The following GPR158 variants were observed in gnomAD, a reference collection of about 807,000 sequenced individuals.
GPR158 encodes the protein metabotropic glycine receptor.
A neutral mutation model predicts 78.2 loss-of-function variants in GPR158; 30 were observed. The observed-to-expected ratio is 0.38, with a 90% CI of 0.29 to 0.52. GPR158 has a LOEUF of 0.52. Among genes scored for constraint, GPR158 ranks in the 20% least tolerant of loss-of-function variants. The pLI is 0.83. For synonymous variants in GPR158, 581 were observed against 591.1 expected, an observed-to-expected ratio of 0.98 and a Z score of 0.25; for missense variants, 1,463 against 1,523.5, an observed-to-expected ratio of 0.96 and a Z score of 0.66.
At chr10:25,504,726 C>T (rs566165314) in intron 5 of GPR158, among the ~76,000 whole-genome samples, 3 of 152,242 alleles carry the variant, frequency 2.0e-5, no homozygotes, top group Non-Finnish European at 4.4e-5. Flanking sequence ...CTGACCTAAC[C>T]GTTTTATCAC....
chr10:25,382,123 T>C (rs1415389216), intron 2 of GPR158, among the ~76,000 whole-genome samples: 2 of 152,214 alleles, frequency 1.3e-5, no homozygotes, highest in Non-Finnish European at 2.9e-5. Context: ...TGTGATTTAG[T>C]GGAGGGGAGT....
chr10:25,467,090 A>T (rs1450226610), intron 5 of GPR158, among the ~76,000 whole-genome samples: 1 of 152,168 alleles, frequency 6.6e-6, no homozygotes, highest in Non-Finnish European at 1.5e-5. Flanking sequence ...TGAGACTTCA[A>T]TCAGATTCGA....
intron 5 of GPR158, among the ~76,000 whole-genome samples, chr10:25,474,984 C>G (rs1313522252): frequency 1.3e-5 from 2 of 152,020 alleles, no homozygotes; most frequent in East Asian, 3.8e-4. Context: ...CATACTTATT[C>G]AAAACAAATG....
chr10:25,277,577 G>A (rs920089781), intron 2 of GPR158, among the ~76,000 whole-genome samples: 1 of 151,956 alleles, frequency 6.6e-6, no homozygotes, highest in African/African-American at 2.4e-5. Context: ...AAGTTGAAAC[G>A]AAGGACATAA....
rs997679116 is a variant in GPR158, at chr10:25,449,126, G to T, written c.1336-17525G>T. ...CTATTTGTCTACTTTTTGGGATTTG[G>T]ATTGTTTGTAATTTCCCTCCAATAT... On this transcript the variant is annotated intron_variant, in intron 4 of 10. Coordinates refer to ENST00000376351, the MANE Select transcript of GPR158 (RefSeq NM_020752.3). 3.9e-5 allele frequency among the ~76,000 whole-genome samples: 6 copies of T among 152,192 alleles called. No homozygotes were observed. In the East Asian group the frequency reaches 9.7e-4, roughly 25 times the overall value.
At chr10:25,187,703 T>A (rs1190389836) in intron 1 of GPR158, among the ~76,000 whole-genome samples, 10 of 152,156 alleles carry the variant, frequency 6.6e-5, no homozygotes, top group Non-Finnish European at 1.5e-4. Context: ...ACTGGAAGCA[T>A]TCCCTTTGAA....
At chr10:25,414,484 TATAAG>T (rs1834633672) in intron 4 of GPR158, among the ~76,000 whole-genome samples, 1 of 152,156 alleles carries the variant, frequency 6.6e-6, no homozygotes, top group East Asian at 1.9e-4. Context: ...TGTGACATAA[TATAAG>T]GGGGATATAA....
chr10:25,427,285 C>T (rs1044391915), intron 4 of GPR158, among the ~76,000 whole-genome samples: 1 of 152,056 alleles, frequency 6.6e-6, no homozygotes, highest in Non-Finnish European at 1.5e-5. Context: ...TGATAAGGAA[C>T]AATCATTATG....
intron 7 of GPR158, among the ~76,000 whole-genome samples, chr10:25,585,553 G>A (rs1247119319): frequency 2.0e-5 from 3 of 152,214 alleles, no homozygotes; most frequent in African/African-American, 7.2e-5. Context: ...CATTTCAGGA[G>A]GCTTTGTGAT....
intron 2 of GPR158, among the ~76,000 whole-genome samples, chr10:25,391,252 G>A (rs2130521806): frequency 6.6e-6 from 1 of 152,272 alleles, no homozygotes; most frequent in East Asian, 1.9e-4. Flanking sequence ...GTCCCCACTG[G>A]GGCACTGCCT....
At chr10:25,545,465 G>A (rs910289381) in intron 5 of GPR158, among the ~76,000 whole-genome samples, 5 of 152,196 alleles carry the variant, frequency 3.3e-5, no homozygotes, top group Non-Finnish European at 5.9e-5. Context: ...CAGTGATGAT[G>A]AGCGTTGTTT....
intron 5 of GPR158, among the ~76,000 whole-genome samples, chr10:25,544,033 G>A (rs935365950): frequency 1.3e-5 from 2 of 152,182 alleles, no homozygotes; most frequent in Non-Finnish European, 2.9e-5. Context: ...GGTAGTTTGG[G>A]TGTGACATCT....
intron 2 of GPR158, among the ~76,000 whole-genome samples, chr10:25,261,645 G>A (rs1853969607): frequency 6.6e-6 from 1 of 152,124 alleles, no homozygotes; most frequent in Non-Finnish European, 1.5e-5. Context: ...AATTTCAATG[G>A]AATAAATTAG....
At chr10:25,348,050 A>G (rs1187046461) in intron 2 of GPR158, among the ~76,000 whole-genome samples, 1 of 151,860 alleles carries the variant, frequency 6.6e-6, no homozygotes, top group African/African-American at 2.4e-5. Context: ...CTCTTCCTCC[A>G]CATTTCTGAG....
chr10:25,245,345 A>G (rs1853674586), intron 2 of GPR158, among the ~76,000 whole-genome samples: 1 of 152,234 alleles, frequency 6.6e-6, no homozygotes, highest in Admixed American at 6.5e-5. Flanking sequence ...ATGGTGAGTC[A>G]TAGGATCATG....
Position 25,175,586 on chromosome 10 carries a change from G to A in GPR158, c.166G>A (p.Asp56Asn), listed in dbSNP as rs757283006. Residue 56 changes from aspartate (D) to asparagine (N), a missense_variant, in exon 1 of 11, where the codon GAC becomes AAC. Transcript: ENST00000376351. The surrounding 1 kb of genome is among the most constrained non-coding windows in gnomAD (Gnocchi z 6.4). ...AQQPGRASAS[D>N]SSAPWSRSTD... ...GCAGCCGGGTCGAGCCTCTGCCTCG[G>A]ACTCCTCGGCTCCCTGGAGCCGCTC... 6.2e-7 allele frequency: 1 copy of A among 1,610,942 alleles called. No homozygotes were observed. The highest frequency in any genetic ancestry group is 1.1e-5 in the South Asian group (1 of 91,062).
chr10:25,342,532 A>C (rs759739706), intron 2 of GPR158, among the ~76,000 whole-genome samples: 6 of 152,018 alleles, frequency 3.9e-5, no homozygotes, highest in Non-Finnish European at 8.8e-5. Flanking sequence ...TTTGGAAGGC[A>C]CAGAACATCA....
intron 5 of GPR158, among the ~76,000 whole-genome samples, chr10:25,534,586 C>CAAAAAAA (rs57381468): frequency 9.1e-6 from 1 of 110,176 alleles, no homozygotes; most frequent in African/African-American, 2.9e-5. Context: ...ACTAAAAATG[C>CAAAAAAA]AAAAAAAAAA....
intron 5 of GPR158, among the ~76,000 whole-genome samples, chr10:25,492,699 A>G (rs1374015952): frequency 6.6e-6 from 1 of 152,126 alleles, no homozygotes; most frequent in Admixed American, 6.6e-5. Context: ...GACTAGAGCA[A>G]TGAATAAACC....
Sources: gnomAD v4.1 joint callset for allele counts (sites outside exome capture counted in the v4.1 genomes callset) on GRCh38, gnomAD v4.1.1 for gene constraint, Gnocchi (gnomAD v3.1) non-coding constraint, MANE v1.5 for transcripts, NCBI Gene and HGNC (gene_info 2026-07-23, HGNC 2026-07-21) for gene names.